SPAG6: variants seen among roughly 807,000 people sequenced by gnomAD.
The protein encoded by SPAG6 is sperm associated antigen 6, also known as sperm-associated antigen 6.
Under a neutral mutation model 58.5 loss-of-function variants are expected in SPAG6, and 49 were observed. The observed-to-expected ratio is 0.84, with a 90% confidence interval of 0.67 to 1.06. The LOEUF is 1.06. Ranked by LOEUF, SPAG6 falls within the 50% of genes least tolerant of loss-of-function variation. The pLI is 0.00. For synonymous variants in SPAG6, 233 were observed against 225.6 expected, an observed-to-expected ratio of 1.03 and a Z score of -0.29; for missense variants, 560 against 611.3, an observed-to-expected ratio of 0.92 and a Z score of 0.89.
chr10:22,389,890 C>T (rs1479438971), intron 7 of SPAG6, among the ~76,000 whole-genome samples: 1 of 152,192 alleles, frequency 6.6e-6, no homozygotes, highest in Non-Finnish European at 1.5e-5. Context: ...AAGAACCCCT[C>T]ATCTAGTGCA....
intron 4 of SPAG6, among the ~76,000 whole-genome samples, chr10:22,375,962 C>T (rs1317554044): frequency 6.6e-6 from 1 of 152,122 alleles, no homozygotes; most frequent in Non-Finnish European, 1.5e-5. Flanking sequence ...CTCTGTATCC[C>T]TTTTGATCTC....
chr10:22,382,778 T>C (rs2132075370), intron 4 of SPAG6, among the ~76,000 whole-genome samples: 1 of 152,290 alleles, frequency 6.6e-6, no homozygotes, highest in African/African-American at 2.4e-5. Flanking sequence ...TTTGTAACAA[T>C]AATGTTAGTA....
intron 2 of SPAG6, among the ~76,000 whole-genome samples, chr10:22,353,122 A>G (rs1416292914): frequency 6.6e-6 from 1 of 152,242 alleles, no homozygotes; most frequent in Non-Finnish European, 1.5e-5. Flanking sequence ...TGAATAAAAT[A>G]AAACATTAAT....
chr10:22,414,467 A>C (rs1263728996), intron 10 of SPAG6, among the ~76,000 whole-genome samples: 1 of 152,094 alleles, frequency 6.6e-6, no homozygotes, highest in African/African-American at 2.4e-5. Flanking sequence ...ATAACTAACT[A>C]TTACCTTGAA....
chr10:22,372,586 G>C (rs1392077140), intron 4 of SPAG6, among the ~76,000 whole-genome samples: 1 of 152,186 alleles, frequency 6.6e-6, no homozygotes, highest in African/African-American at 2.4e-5. Context: ...CTGTGGCTCT[G>C]TGGAGGGTGC....
intron 2 of SPAG6, chr10:22,361,155 T>G: frequency 3.4e-6 from 1 of 292,526 alleles, no homozygotes; most frequent in Non-Finnish European, 6.2e-6. Context: ...CAACAGATAT[T>G]TCAAATGGAC....
chr10:22,402,722 A>G (rs1465986397), intron 9 of SPAG6, among the ~76,000 whole-genome samples: 1 of 152,164 alleles, frequency 6.6e-6, no homozygotes, highest in Non-Finnish European at 1.5e-5. Flanking sequence ...CAACTAAATA[A>G]CCAAATAATG....
chr10:22,346,490 CTTCTTCT>C lies in SPAG6; in HGVS notation c.121+681_121+687del, dbSNP rs879824024. On this transcript the variant is annotated intron_variant, in intron 2 of 10. Coordinates refer to ENST00000376624, the MANE Select transcript of SPAG6 (RefSeq NM_012443.4). ...TCTTCTTCTTCTTCTTCTTCTTCTT[CTTCTTCT>C]TTCTTCTTCTTCTTCCTCTTCTTCT... is the stretch of plus-strand genomic sequence containing the variant. 4.0e-3 allele frequency among the ~76,000 whole-genome samples: 537 copies of C among 135,622 alleles called. 6 individuals carry two copies. The highest frequency in any genetic ancestry group is 0.018 in the African/African-American group (509 of 28,372). The allele number at this position is 135,622 out of a possible 152,430, so 89.0% of individuals were successfully genotyped here.
At chr10:22,365,150 C>A in intron 3 of SPAG6, 131 bp downstream of exon 3, 1 of 586,724 alleles carries the variant, frequency 1.7e-6, no homozygotes. Flanking sequence ...ATTATCTGAG[C>A]TGCATGTAAT....
chr10:22,347,141 T>C (rs80180421), intron 2 of SPAG6, among the ~76,000 whole-genome samples: 4,878 of 152,276 alleles, frequency 0.032, 288 homozygotes, highest in African/African-American at 0.11. Context: ...GGATCCTCTC[T>C]CTTGCCCTTT....
At chr10:22,413,066 C>CAAAAAAAAAAAAA (rs775680159) in intron 10 of SPAG6, 43 of 43,264 alleles carry the variant, frequency 9.9e-4, no homozygotes, top group African/African-American at 2.5e-3. Flanking sequence ...CAGAAAGATG[C>CAAAAAAAAAAAAA]AAAAAAAAAA....
chr10:22,388,579 A>G (rs1834118837), intron 6 of SPAG6, among the ~76,000 whole-genome samples: 1 of 152,216 alleles, frequency 6.6e-6, no homozygotes, highest in South Asian at 2.1e-4. Context: ...ATAGAGAGAA[A>G]GCAAGCCTGT....
chr10:22,390,132 AT>A (rs1834153584), intron 7 of SPAG6, among the ~76,000 whole-genome samples: 1 of 151,862 alleles, frequency 6.6e-6, no homozygotes, highest in African/African-American at 2.4e-5. Flanking sequence ...TTTTCTACCT[AT>A]TTCTTGATAA....
In SPAG6 at chr10:22,388,016, C is replaced by G; in HGVS notation, c.852+20C>G. The G allele has an allele frequency of 1.3e-6, 2 of 1,586,896 alleles. No homozygotes were observed. Among genetic ancestry groups the G allele is most frequent in the Non-Finnish European group, 1.7e-6 (2 of 1,165,780 alleles). Reference sequence around the variant, plus strand: ...CCCGAGGTGAAAAGAAACTTCAAGGCACAATAATATGTAGTAGTTAGTTTT... The same window carrying G: ...CCCGAGGTGAAAAGAAACTTCAAGGGACAATAATATGTAGTAGTTAGTTTT... On this transcript the variant is annotated intron_variant, in intron 6 of 10. Transcript: ENST00000376624.
intron 9 of SPAG6, among the ~76,000 whole-genome samples, chr10:22,407,437 C>A (rs1486687800): frequency 6.6e-5 from 10 of 151,498 alleles, no homozygotes; most frequent in Admixed American, 5.3e-4. Flanking sequence ...GTTGAAAATT[C>A]TTTTCTTTAA....
At chr10:22,388,244 C>T (rs755269367) in intron 6 of SPAG6, among the ~76,000 whole-genome samples, 6 of 151,740 alleles carry the variant, frequency 4.0e-5, no homozygotes, top group South Asian at 2.1e-4. Flanking sequence ...ACCCTTCTCC[C>T]GCAAGTGGTG....
chr10:22,378,862 G>C (rs1225947346), intron 4 of SPAG6, among the ~76,000 whole-genome samples: 1 of 152,058 alleles, frequency 6.6e-6, no homozygotes, highest in Admixed American at 6.6e-5. Context: ...TTCCCTCCCA[G>C]CTGATTGTAA....
chr10:22,358,798 A>G (rs921459842), intron 2 of SPAG6, among the ~76,000 whole-genome samples: 3 of 152,194 alleles, frequency 2.0e-5, no homozygotes, highest in Admixed American at 1.3e-4. Context: ...CTTTCTACAT[A>G]TGGCTAGCCA....
chr10:22,408,845 G>GT (rs897251047), intron 9 of SPAG6, among the ~76,000 whole-genome samples: 1 of 151,746 alleles, frequency 6.6e-6, no homozygotes, highest in Admixed American at 6.6e-5. Context: ...CTGGTGCTCC[G>GT]TTTTTTAAGC....
Sources: allele counts gnomAD v4.1 joint callset (sites outside exome capture counted in the v4.1 genomes callset), GRCh38; gene constraint gnomAD v4.1.1; transcripts MANE v1.5; gene names NCBI Gene and HGNC (gene_info 2026-07-23, HGNC 2026-07-21).